Variants in ANK2 observed in about 807,000 individuals in gnomAD.
The protein encoded by ANK2 is ankyrin 2.
Under a neutral mutation model 360.5 loss-of-function variants are expected in ANK2, and 83 were observed. That is an observed-to-expected ratio of 0.23 (90% confidence interval 0.19 to 0.28). ANK2 has a LOEUF of 0.28. Ranked by LOEUF, ANK2 falls within the 10% of genes least tolerant of loss-of-function variation. The probability of loss-of-function intolerance (pLI) is 1.00; values close to 1 mark genes in which losing one functional copy is unlikely to be tolerated. For missense variants in ANK2, 4,201 were observed against 4,795.7 expected, an observed-to-expected ratio of 0.88 and a Z score of 3.66; for synonymous variants, 1,740 against 1,759.5, an observed-to-expected ratio of 0.99 and a Z score of 0.28.
At chr4:113,278,694 C>T (rs3025725) in intron 17 of ANK2, 136 bp downstream of exon 17, 4 of 831,282 alleles carry the variant, frequency 4.8e-6, no homozygotes, top group Admixed American at 2.2e-5. Flanking sequence ...TATTGACACC[C>T]TTTTTTTTCC....
chr4:113,098,550 CCTT>C (rs2092138856), intron 1 of ANK2, among the ~76,000 whole-genome samples: 1 of 151,948 alleles, frequency 6.6e-6, no homozygotes, highest in Non-Finnish European at 1.5e-5. Flanking sequence ...TGGTTAATAA[CCTT>C]CTAATAAATA....
At chr4:112,723,814 C>A in the ANK2 span, among the ~76,000 whole-genome samples, 1 of 152,276 alleles carries the variant, frequency 6.6e-6, no homozygotes, top group South Asian at 2.1e-4. Context: ...CAGGAACAAA[C>A]AAATATGGTT....
intron 2 of ANK2, among the ~76,000 whole-genome samples, chr4:112,917,889 C>T (rs531866976): frequency 3.3e-5 from 5 of 152,158 alleles, no homozygotes; most frequent in South Asian, 2.1e-4. Context: ...TACATAAGCA[C>T]GAGACCAGAA....
chr4:112,999,023 C>T (rs544227953), intron 2 of ANK2, among the ~76,000 whole-genome samples: 1 of 152,240 alleles, frequency 6.6e-6, no homozygotes, highest in Non-Finnish European at 1.5e-5. Flanking sequence ...TGTCTCCATA[C>T]TTGTATATGG....
At chr4:113,297,720 T>C (rs1381752714) in intron 22 of ANK2, among the ~76,000 whole-genome samples, 1 of 152,100 alleles carries the variant, frequency 6.6e-6, no homozygotes, top group Non-Finnish European at 1.5e-5. Context: ...ATACCTATTA[T>C]ATTATGTATA....
intron 18 of ANK2, among the ~76,000 whole-genome samples, chr4:113,284,581 C>A (rs549515678): frequency 6.6e-4 from 101 of 152,180 alleles, no homozygotes; most frequent in Middle Eastern, 3.4e-3. Flanking sequence ...TATCAGTTAG[C>A]AAACATTTAA....
At chr4:113,289,345 C>T (rs1375064872) in intron 20 of ANK2, among the ~76,000 whole-genome samples, 3 of 151,538 alleles carry the variant, frequency 2.0e-5, no homozygotes, top group South Asian at 4.2e-4. Flanking sequence ...CTGGCTAGGA[C>T]TATAGGTGCA....
At chr4:112,719,774 G>A in the ANK2 span, among the ~76,000 whole-genome samples, 1 of 151,894 alleles carries the variant, frequency 6.6e-6, no homozygotes, top group South Asian at 2.1e-4. Context: ...GGAGGCCTCT[G>A]CTTGGGGACT....
chr4:113,303,419 G>A (rs1338091851), intron 23 of ANK2, among the ~76,000 whole-genome samples: 1 of 152,164 alleles, frequency 6.6e-6, no homozygotes, highest in Admixed American at 6.5e-5. Flanking sequence ...TATAATTTTA[G>A]AGTTGATGAA....
chr4:113,291,628 C>T (rs2153741928), intron 20 of ANK2, among the ~76,000 whole-genome samples: 1 of 152,260 alleles, frequency 6.6e-6, no homozygotes, highest in South Asian at 2.1e-4. Flanking sequence ...GGTATGTACA[C>T]TTAAAAGCTT....
chr4:113,240,275 A>G (rs1386312317), intron 7 of ANK2, among the ~76,000 whole-genome samples: 1 of 152,208 alleles, frequency 6.6e-6, no homozygotes, highest in Non-Finnish European at 1.5e-5. Context: ...TGCCATGAAT[A>G]TTATGCCAAT....
At chr4:112,963,951 T>C (rs2036018824) in intron 2 of ANK2, among the ~76,000 whole-genome samples, 1 of 151,970 alleles carries the variant, frequency 6.6e-6, no homozygotes, top group Non-Finnish European at 1.5e-5. Context: ...TCATACATTA[T>C]GTTAATGGTT....
chr4:113,023,797 A>C (rs981845478), intron 2 of ANK2, among the ~76,000 whole-genome samples: 25 of 152,238 alleles, frequency 1.6e-4, no homozygotes, highest in African/African-American at 5.8e-4. Context: ...TGGATGCTTC[A>C]TAAATAATTG....
At chr4:113,228,764 T>G (rs2099254972) in intron 4 of ANK2, among the ~76,000 whole-genome samples, 1 of 152,218 alleles carries the variant, frequency 6.6e-6, no homozygotes, top group Non-Finnish European at 1.5e-5. Flanking sequence ...CTACTTTAGC[T>G]CATCTCTTTG....
chr4:113,380,656 C>T (rs528312335), intron 45 of ANK2, among the ~76,000 whole-genome samples: 3 of 152,276 alleles, frequency 2.0e-5, no homozygotes, highest in East Asian at 1.9e-4. Context: ...AACGAGACTC[C>T]GTCTCAAGAA....
the ANK2 span, among the ~76,000 whole-genome samples, chr4:112,771,952 A>G: frequency 6.6e-6 from 1 of 152,106 alleles, no homozygotes; most frequent in Admixed American, 6.5e-5. Context: ...CTTCAGAGAT[A>G]AGGAAGCCCC....
chr4:112,856,987 A>G (rs1428304145), intron 1 of ANK2, among the ~76,000 whole-genome samples: 5 of 152,198 alleles, frequency 3.3e-5, no homozygotes, highest in Non-Finnish European at 5.9e-5. Flanking sequence ...AACTTTGCAG[A>G]AGGCAGGGCA....
At chr4:113,244,561 A>G (rs974089229) in intron 9 of ANK2, among the ~76,000 whole-genome samples, 1 of 152,234 alleles carries the variant, frequency 6.6e-6, no homozygotes, top group Admixed American at 6.5e-5. Flanking sequence ...CTTATTTCAT[A>G]TGAGCTGGTT....
chr4:113,378,429 C>A (rs147210671), intron 45 of ANK2, among the ~76,000 whole-genome samples: 2,391 of 152,254 alleles, frequency 0.016, 34 homozygotes, highest in Non-Finnish European at 0.024. Flanking sequence ...CAGTCTGACT[C>A]CCTGGGTTTT....
Sources: allele counts gnomAD v4.1 joint callset (sites outside exome capture counted in the v4.1 genomes callset), GRCh38; gene constraint gnomAD v4.1.1; transcripts MANE v1.5; gene names NCBI Gene and HGNC (gene_info 2026-07-23, HGNC 2026-07-21).